STARD9: variants seen among roughly 807,000 people sequenced by gnomAD.
STARD9 encodes stAR-related lipid transfer protein 9.
Under a neutral mutation model 399.8 loss-of-function variants are expected in STARD9, and 346 were observed. That is an observed-to-expected ratio of 0.87 (90% CI 0.79 to 0.95). The LOEUF (loss-of-function observed/expected upper bound fraction) is 0.95. STARD9 is among the 40% of genes least tolerant of loss of function. STARD9 has a pLI of 0.00. For synonymous variants in STARD9, 2,203 were observed against 2,143.5 expected (o/e 1.03, Z -0.77); for missense variants, 5,832 against 5,667.5 (o/e 1.03, Z -0.93).
intron 10 of STARD9, among the ~76,000 whole-genome samples, chr15:42,661,859 A>G (rs780715039): frequency 6.6e-6 from 1 of 152,204 alleles, no homozygotes; most frequent in Non-Finnish European, 1.5e-5. Flanking sequence ...AAAGCTGCCC[A>G]GGTGATTCTA....
At chr15:42,711,139 C>CT (rs1253145945) in intron 26 of STARD9, among the ~76,000 whole-genome samples, 1,622 of 140,060 alleles carry the variant, frequency 0.012, 14 homozygotes, top group Middle Eastern at 0.018. Flanking sequence ...TACCACATAA[C>CT]TTTTTTTTTT....
chr15:42,717,070 T>C, intron 28 of STARD9, 22 bp downstream of exon 28: 2 of 1,536,800 alleles, frequency 1.3e-6, no homozygotes, highest in Non-Finnish European at 1.7e-6. Flanking sequence ...CTCCCACCCA[T>C]CCCTACCATT....
chr15:42,626,204 A>G (rs979875543), intron 3 of STARD9, among the ~76,000 whole-genome samples: 6 of 152,106 alleles, frequency 3.9e-5, no homozygotes, highest in Admixed American at 2.6e-4. Context: ...GATTACAGGC[A>G]TGAGCCACCA....
chr15:42,713,043 T>C (rs1203687131), intron 26 of STARD9, among the ~76,000 whole-genome samples: 1 of 152,252 alleles, frequency 6.6e-6, no homozygotes, highest in African/African-American at 2.4e-5. Context: ...TGGGGGAGCA[T>C]TGCTATCTTA....
At chr15:42,575,882 G>T (rs1442487207) in intron 1 of STARD9, 120 bp downstream of exon 1, 3 of 1,134,258 alleles carry the variant, frequency 2.6e-6, no homozygotes, top group Non-Finnish European at 3.8e-6. Flanking sequence ...GACCCGGGGG[G>T]TCGGGGTCCG....
chr15:42,627,777 T>C (rs896325690), intron 3 of STARD9, among the ~76,000 whole-genome samples: 2 of 152,254 alleles, frequency 1.3e-5, no homozygotes, highest in Non-Finnish European at 1.5e-5. Context: ...TTTCTATGGC[T>C]GAGTAGTACT....
intron 20 of STARD9, among the ~76,000 whole-genome samples, chr15:42,678,578 C>T (rs113697440): frequency 0.031 from 4,753 of 152,264 alleles, 209 homozygotes; most frequent in African/African-American, 0.097. Context: ...CTGCCACCAC[C>T]GCTGCCACTG....
chr15:42,661,113 T>C, intron 9 of STARD9, 45 bp from the exon 10 acceptor site: 1 of 1,403,782 alleles, frequency 7.1e-7, no homozygotes, highest in Non-Finnish European at 9.8e-7. Context: ...GGGAAAACAA[T>C]ACAAATCGTT....
chr15:42,656,367 A>G (rs1465168000), intron 9 of STARD9, among the ~76,000 whole-genome samples: 3 of 141,850 alleles, frequency 2.1e-5, no homozygotes, highest in Admixed American at 1.4e-4. Context: ...AAAAAAAAAA[A>G]GATGTTGCCG....
chr15:42,698,930 A>T (rs569926939), intron 26 of STARD9, among the ~76,000 whole-genome samples: 6 of 152,110 alleles, frequency 3.9e-5, no homozygotes, highest in Admixed American at 2.0e-4. Flanking sequence ...ACCAAGGCTT[A>T]GAATAGATTC....
At chr15:42,717,851 G>C in intron 29 of STARD9, 56 bp downstream of exon 29, 1 of 1,519,168 alleles carries the variant, frequency 6.6e-7, no homozygotes, top group Admixed American at 2.0e-5. Context: ...TTGTCACCCT[G>C]CTTGGCTTCT....
At position 42,674,983 on chromosome 15, in the gene STARD9, C is replaced by T. The variant is rs1566924924; in HGVS notation, c.1687+19C>T. ...ACTCAAGGTAGGACTGTCTGTAGCC[C>T]TGTTTATCCCAAGATGAGTGATGGA... On this transcript the variant is annotated intron_variant, in intron 18 of 32. Transcript: ENST00000290607. 10 of 1,506,104 alleles carry T rather than the reference C, an allele frequency of 6.6e-6. No homozygotes were observed. The highest frequency in any genetic ancestry group is 1.4e-5 in the African/African-American group (1 of 72,060). The allele number at this position is 1,506,104 out of a possible 1,614,324, so 93.3% of individuals were successfully genotyped here.
In STARD9 at chr15:42,690,592, A is replaced by G. The variant is rs772559136; in HGVS notation, c.9014A>G (p.Tyr3005Cys). ...CCCTGTGTAGTACCTTCCAGGGCCT[A>G]TGAAATGGATGAGACAGGAGAGATC... ...HPPCVVPSRA[Y>C]EMDETGEISR... Residue 3005 changes from tyrosine (Y) to cysteine (C), a missense_variant, in exon 23 of 33, where the codon TAT (tyrosine) becomes TGT (cysteine). Tyr to Cys is a radical substitution (Grantham distance 194). Around this residue, in one of 2 missense-constraint regions of STARD9, gnomAD observed 5,828 missense variants for 5,651.1 expected, o/e 1.03. Coordinates refer to ENST00000290607, the MANE Select transcript of STARD9 (RefSeq NM_020759.3). 26 of 1,537,124 alleles carry G rather than the reference A, an allele frequency of 1.7e-5. No homozygotes were observed. The highest frequency in any genetic ancestry group is 2.3e-5 in the Non-Finnish European group (26 of 1,146,906).
At chr15:42,641,113 C>G (rs933414988) in intron 7 of STARD9, among the ~76,000 whole-genome samples, 2 of 152,102 alleles carry the variant, frequency 1.3e-5, no homozygotes, top group African/African-American at 4.8e-5. Context: ...AAATATGACT[C>G]TTGGAAGGTC....
chr15:42,598,660 T>C (rs1295954840), intron 3 of STARD9, among the ~76,000 whole-genome samples: 5 of 152,166 alleles, frequency 3.3e-5, no homozygotes, highest in Non-Finnish European at 1.5e-5. Flanking sequence ...CATGATCAAA[T>C]CAGGGTAGTT....
chr15:42,579,327 T>C (rs2058121892), intron 1 of STARD9, among the ~76,000 whole-genome samples: 1 of 152,298 alleles, frequency 6.6e-6, no homozygotes, highest in African/African-American at 2.4e-5. Flanking sequence ...AGACAAAACA[T>C]GGTCACATAG....
At chr15:42,663,656 T>C (rs2060032501) in intron 12 of STARD9, 164 bp from the exon 13 acceptor site, 2 of 613,260 alleles carry the variant, frequency 3.3e-6, no homozygotes, top group African/African-American at 1.8e-5. Flanking sequence ...CAGAGCTGGA[T>C]CTGTGTTGGG....
chr15:42,688,599 A>C lies in STARD9; in HGVS notation c.7021A>C (p.Arg2341=). 1 of 1,537,604 alleles carries C rather than the reference A, an allele frequency of 6.5e-7. No individual in the cohort carries two copies. Among genetic ancestry groups the C allele is most frequent in the East Asian group, 2.4e-5 (1 of 40,924 alleles). The change falls in exon 23 of 33, where the codon AGG becomes CGG. Residue 2341 remains arginine (R), a synonymous_variant. Coordinates refer to ENST00000290607, the MANE Select transcript of STARD9 (RefSeq NM_020759.3). ...TAATACCTTGCCCTTGAATTCTCCA[A>C]GGTGGCCAAGAAGGTGTCTTCATGT... ...LSNTLPLNSP[R]WPRRCLHVPV... is the part of the protein sequence containing the mutation.
At chr15:42,699,220 T>C (rs532206961) in intron 26 of STARD9, among the ~76,000 whole-genome samples, 1 of 152,156 alleles carries the variant, frequency 6.6e-6, no homozygotes, top group South Asian at 2.1e-4. Flanking sequence ...TACATTATAT[T>C]GTTATTAGCT....
Sources: allele counts gnomAD v4.1 joint callset (sites outside exome capture counted in the v4.1 genomes callset), GRCh38; gene constraint gnomAD v4.1.1; regional missense constraint gnomAD v4.1.1; transcripts MANE v1.5; gene names NCBI Gene and HGNC (gene_info 2026-07-23, HGNC 2026-07-21).